The following KHDRBS2 variants were observed in gnomAD, a reference collection of about 807,000 sequenced individuals.
KHDRBS2 encodes KH RNA binding domain containing, signal transduction associated 2.
In KHDRBS2, 26 loss-of-function variants were observed where a neutral mutation model predicts 44.3. The observed-to-expected ratio is 0.59, with a 90% confidence interval of 0.43 to 0.81. The LOEUF (loss-of-function observed/expected upper bound fraction) is 0.81. Among genes scored for constraint, KHDRBS2 ranks in the 40% least tolerant of loss-of-function variants. The pLI is 0.00. For synonymous variants in KHDRBS2, 194 were observed against 151.1 expected (o/e 1.28, Z -2.08); for missense variants, 476 against 433.1 (o/e 1.10, Z -0.88).
At chr6:62,260,363 T>C (rs1190667612) in intron 1 of KHDRBS2, among the ~76,000 whole-genome samples, 2 of 151,978 alleles carry the variant, frequency 1.3e-5, no homozygotes, top group African/African-American at 4.8e-5. Flanking sequence ...GAATGACCTT[T>C]TGTCAATATA....
intron 6 of KHDRBS2, among the ~76,000 whole-genome samples, chr6:61,763,730 T>G (rs1779602766): frequency 1.3e-5 from 2 of 152,218 alleles, no homozygotes; most frequent in African/African-American, 4.8e-5. Context: ...TGTGGAATCC[T>G]TAAGTCATTT....
downstream of KHDRBS2, among the ~76,000 whole-genome samples, chr6:61,679,666 C>A (rs973347713): frequency 2.6e-5 from 4 of 152,028 alleles, no homozygotes; most frequent in African/African-American, 7.2e-5. Flanking sequence ...GGTTGAATAG[C>A]AACAACTGGC....
chr6:62,038,390 G>A (rs1233940443), intron 3 of KHDRBS2, among the ~76,000 whole-genome samples: 1 of 151,356 alleles, frequency 6.6e-6, no homozygotes, highest in Non-Finnish European at 1.5e-5. Context: ...CCAGAAAACA[G>A]TTTTCTACTG....
In KHDRBS2 at chr6:62,146,860, T is replaced by C. The variant is rs1347501500; in HGVS notation, c.219+30325A>G. Among the ~76,000 whole-genome samples, 3 of 151,936 alleles carry C rather than the reference T, an allele frequency of 2.0e-5. No individual in the cohort carries two copies. In the South Asian group the frequency reaches 6.2e-4, roughly 31 times the overall value. ...ATGTCACCAGACACACTCAAAAAAA[T>C]ATTTTTGCATTATGATGTGAGCATA... On this transcript the variant is annotated intron_variant, in intron 2 of 8. Coordinates refer to ENST00000281156, the MANE Select transcript of KHDRBS2 (RefSeq NM_152688.4).
At chr6:61,888,648 G>A (rs1273991969) in intron 6 of KHDRBS2, among the ~76,000 whole-genome samples, 5 of 144,322 alleles carry the variant, frequency 3.5e-5, no homozygotes, top group South Asian at 2.2e-4. Context: ...TGCAAGCTCC[G>A]CCTCCCGGGT....
chr6:61,649,671 A>T, the KHDRBS2 span, among the ~76,000 whole-genome samples: 1 of 152,172 alleles, frequency 6.6e-6, no homozygotes, highest in Non-Finnish European at 1.5e-5. Flanking sequence ...AAACTTAAGG[A>T]TCATACATAA....
intron 4 of KHDRBS2, among the ~76,000 whole-genome samples, chr6:61,960,599 A>G (rs1341164204): frequency 2.0e-5 from 3 of 152,168 alleles, no homozygotes; most frequent in Non-Finnish European, 4.4e-5. Flanking sequence ...TTATAGCACA[A>G]GCACAAAAGT....
At chr6:61,948,612 G>A (rs1469056594) in intron 4 of KHDRBS2, among the ~76,000 whole-genome samples, 1 of 150,660 alleles carries the variant, frequency 6.6e-6, no homozygotes, top group Non-Finnish European at 1.5e-5. Context: ...CATTGTGAGG[G>A]TTAAGTTAAA....
intron 1 of KHDRBS2, among the ~76,000 whole-genome samples, chr6:62,177,798 G>C (rs1293248964): frequency 6.6e-6 from 1 of 151,204 alleles, no homozygotes; most frequent in Non-Finnish European, 1.5e-5. Context: ...AAGAGAAATT[G>C]CATGATATTT....
chr6:62,172,747 G>GACC (rs1820310990), intron 2 of KHDRBS2, among the ~76,000 whole-genome samples: 1 of 141,442 alleles, frequency 7.1e-6, no homozygotes, highest in Non-Finnish European at 1.5e-5. Context: ...CATGCTCTTG[G>GACC]ACCACAGCAC....
intron 6 of KHDRBS2, among the ~76,000 whole-genome samples, chr6:61,865,344 T>C (rs1416372444): frequency 6.6e-6 from 1 of 152,156 alleles, no homozygotes; most frequent in Non-Finnish European, 1.5e-5. Context: ...GACTCACAGT[T>C]CCATGTGGCT....
chr6:61,962,572 A>T (rs1583819479), intron 4 of KHDRBS2, among the ~76,000 whole-genome samples: 1 of 152,118 alleles, frequency 6.6e-6, no homozygotes, highest in Non-Finnish European at 1.5e-5. Flanking sequence ...ACTGTAGAAG[A>T]TCCACTAACT....
intron 6 of KHDRBS2, among the ~76,000 whole-genome samples, chr6:61,777,232 T>C (rs190274643): frequency 6.6e-6 from 1 of 152,282 alleles, no homozygotes; most frequent in East Asian, 1.9e-4. Context: ...GGCACATGTA[T>C]ACATATGTAA....
intron 7 of KHDRBS2, among the ~76,000 whole-genome samples, chr6:61,728,330 A>G (rs1419090244): frequency 1.3e-5 from 2 of 152,012 alleles, no homozygotes; most frequent in Non-Finnish European, 2.9e-5. Context: ...AAGAATAGCT[A>G]ATGGATGCTG....
At chr6:62,156,435 A>C (rs1010129007) in intron 2 of KHDRBS2, among the ~76,000 whole-genome samples, 1 of 152,202 alleles carries the variant, frequency 6.6e-6, no homozygotes, top group African/African-American at 2.4e-5. Flanking sequence ...AAGATGAAGT[A>C]ATGGCATACA....
rs1243464545 is a variant in KHDRBS2, at chr6:62,281,476, C to T, written c.91+4382G>A. 3.3e-5 allele frequency among the ~76,000 whole-genome samples: 5 copies of T among 151,840 alleles called. No individual in the cohort carries two copies. The East Asian group carries it at 5.8e-4, about 18-fold the overall frequency. ...CTCTACTAAAAATACAAAAATTAGC[C>T]GGGTGTGGTGGCACGCACCTGTAAT... On this transcript the variant is annotated intron_variant, in intron 1 of 8. Coordinates refer to ENST00000281156, the MANE Select transcript of KHDRBS2 (RefSeq NM_152688.4).
intron 3 of KHDRBS2, among the ~76,000 whole-genome samples, chr6:61,996,564 T>G (rs1777203119): frequency 6.6e-6 from 1 of 152,214 alleles, no homozygotes; most frequent in South Asian, 2.1e-4. Flanking sequence ...CAAGGAATGG[T>G]TAGTAGAGGG....
chr6:62,185,614 G>A (rs913948370), intron 1 of KHDRBS2, among the ~76,000 whole-genome samples: 4 of 151,918 alleles, frequency 2.6e-5, no homozygotes, highest in African/African-American at 9.7e-5. Context: ...TAGAAATAGA[G>A]ACATTAACTG....
intron 6 of KHDRBS2, among the ~76,000 whole-genome samples, chr6:61,788,570 A>C (rs1885408): frequency 6.6e-6 from 1 of 151,164 alleles, no homozygotes; most frequent in East Asian, 1.9e-4. Flanking sequence ...ATTTTATGTG[A>C]ATGTAATATT....
Sources: allele counts gnomAD v4.1 joint callset (sites outside exome capture counted in the v4.1 genomes callset), GRCh38; gene constraint gnomAD v4.1.1; transcripts MANE v1.5; gene names NCBI Gene and HGNC (gene_info 2026-07-23, HGNC 2026-07-21).